LRRC4C: variants seen among roughly 807,000 people sequenced by gnomAD.
LRRC4C encodes leucine-rich repeat-containing protein 4C.
Under a neutral mutation model 33.6 loss-of-function variants are expected in LRRC4C, and 5 were observed. That is an observed-to-expected ratio of 0.15 (90% CI 0.08 to 0.31). The LOEUF is 0.31. Ranked by LOEUF, LRRC4C falls within the 10% of genes least tolerant of loss-of-function variation. The pLI is 1.00. For missense variants in LRRC4C, 560 were observed against 796.7 expected (o/e 0.70, Z 3.58); for synonymous variants, 329 against 302.0 (o/e 1.09, Z -0.93).
chr11:40,766,353 TAAAAAAAAAAAAA>T (rs60152534), intron 2 of LRRC4C, among the ~76,000 whole-genome samples: 4 of 33,900 alleles, frequency 1.2e-4, no homozygotes, highest in Non-Finnish European at 1.6e-4. Flanking sequence ...TTCAGTCTGT[TAAAAAAAAAAAAA>T]AAAAAAAAAA....
rs531499110 is a variant in LRRC4C at position 41,399,026 on chromosome 11, AT to A, written c.-496+60404del. On this transcript the variant is annotated intron_variant, in intron 1 of 6. Transcript: ENST00000528697. Reference sequence around the variant, plus strand: ...TAAGGCTACTTTCCTAGAAAATAAGATTTACAATACACAATATAGACCATTC... The same window carrying A: ...TAAGGCTACTTTCCTAGAAAATAAGATTACAATACACAATATAGACCATTC... 5.8e-3 allele frequency among the ~76,000 whole-genome samples: 889 copies of A among 152,026 alleles called. 7 individuals carry two copies. Among genetic ancestry groups the A allele is most frequent in the African/African-American group, 0.021 (859 of 41,522 alleles).
At chr11:41,399,096 G>T (rs1051494381) in intron 1 of LRRC4C, among the ~76,000 whole-genome samples, 1 of 151,924 alleles carries the variant, frequency 6.6e-6, no homozygotes, top group Non-Finnish European at 1.5e-5. Context: ...AAATTAAACT[G>T]CCATCACTAG....
At chr11:40,640,949 G>C (rs2201511) in intron 3 of LRRC4C, among the ~76,000 whole-genome samples, 55,464 of 148,710 alleles carry the variant, frequency 0.37, 11,466 homozygotes, top group East Asian at 0.6. Flanking sequence ...CTGGGAGGCG[G>C]AGCTTGCAGT....
chr11:40,151,376 T>A (rs533288715), intron 5 of LRRC4C, among the ~76,000 whole-genome samples: 1 of 152,284 alleles, frequency 6.6e-6, no homozygotes, highest in African/African-American at 2.4e-5. Flanking sequence ...GCAATTCTTA[T>A]CCCAGTGGCA....
chr11:40,813,529 G>T (rs976759780), intron 2 of LRRC4C, among the ~76,000 whole-genome samples: 64 of 152,070 alleles, frequency 4.2e-4, no homozygotes, highest in African/African-American at 1.5e-3. Context: ...TGAGATTTGG[G>T]TGGGGACACA....
intron 2 of LRRC4C, among the ~76,000 whole-genome samples, chr11:40,756,959 A>C (rs1388804082): frequency 6.6e-6 from 1 of 151,966 alleles, no homozygotes; most frequent in Non-Finnish European, 1.5e-5. Context: ...CATCCCACAG[A>C]AGCACTTATC....
chr11:40,250,487 C>A (rs1327391774), intron 4 of LRRC4C, among the ~76,000 whole-genome samples: 2 of 151,904 alleles, frequency 1.3e-5, no homozygotes, highest in Non-Finnish European at 2.9e-5. Flanking sequence ...TGCCTGTAAC[C>A]CCAGCACTTT....
At chr11:40,575,686 T>G (rs184184690) in intron 3 of LRRC4C, among the ~76,000 whole-genome samples, 2 of 152,208 alleles carry the variant, frequency 1.3e-5, no homozygotes, top group Non-Finnish European at 2.9e-5. Flanking sequence ...TTCTTCAAGA[T>G]CTAAGATTTA....
At chr11:41,253,135 T>C (rs1948695493) in intron 1 of LRRC4C, among the ~76,000 whole-genome samples, 1 of 152,146 alleles carries the variant, frequency 6.6e-6, no homozygotes, top group Non-Finnish European at 1.5e-5. Flanking sequence ...GTAGACCAAC[T>C]TTGAAGGCAC....
intron 3 of LRRC4C, among the ~76,000 whole-genome samples, chr11:40,530,045 C>T (rs58240465): frequency 0.088 from 13,369 of 152,050 alleles, 1,669 homozygotes; most frequent in African/African-American, 0.28. Flanking sequence ...AGTGTGCTTT[C>T]TGACATGCTG....
chr11:41,155,485 G>A (rs1944187891), intron 1 of LRRC4C, among the ~76,000 whole-genome samples: 1 of 152,128 alleles, frequency 6.6e-6, no homozygotes, highest in Non-Finnish European at 1.5e-5. Flanking sequence ...CTGAATCAAT[G>A]ATACGAAACG....
At chr11:40,820,366 CA>C (rs372522331) in intron 2 of LRRC4C, among the ~76,000 whole-genome samples, 1 of 151,416 alleles carries the variant, frequency 6.6e-6, no homozygotes, top group Admixed American at 6.6e-5. Context: ...CTGAAAAGCT[CA>C]AAAAATGAAA....
intron 3 of LRRC4C, among the ~76,000 whole-genome samples, chr11:40,342,219 A>AC (rs1244222143): frequency 6.6e-6 from 1 of 152,106 alleles, no homozygotes; most frequent in Non-Finnish European, 1.5e-5. Context: ...GCCTGTAATC[A>AC]CAGCACTTTG....
intron 3 of LRRC4C, among the ~76,000 whole-genome samples, chr11:40,497,654 A>G (rs988618432): frequency 1.3e-5 from 2 of 152,208 alleles, no homozygotes; most frequent in South Asian, 2.1e-4. Context: ...AAGAAAGGCC[A>G]TGACAGTGTA....
chr11:41,419,016 G>A (rs1464280364), intron 1 of LRRC4C, among the ~76,000 whole-genome samples: 5 of 151,780 alleles, frequency 3.3e-5, no homozygotes, highest in Non-Finnish European at 5.9e-5. Context: ...ATCATACTTG[G>A]TTCAGAAGAT....
chr11:40,775,573 C>T (rs549625791), intron 2 of LRRC4C, among the ~76,000 whole-genome samples: 4 of 152,182 alleles, frequency 2.6e-5, no homozygotes, highest in African/African-American at 4.8e-5. Flanking sequence ...TTATTTGGCA[C>T]TGTTTGAACA....
At chr11:40,709,260 G>C (rs1286861650) in intron 2 of LRRC4C, among the ~76,000 whole-genome samples, 1 of 152,108 alleles carries the variant, frequency 6.6e-6, no homozygotes, top group Non-Finnish European at 1.5e-5. Context: ...ATGTTAGCTG[G>C]TTATTTTGCC....
chr11:41,080,397 G>T (rs973586139), intron 1 of LRRC4C, among the ~76,000 whole-genome samples: 19 of 146,796 alleles, frequency 1.3e-4, no homozygotes, highest in African/African-American at 4.8e-4. Flanking sequence ...TGTTGCCCAG[G>T]GTGGAGTGCA....
intron 3 of LRRC4C, among the ~76,000 whole-genome samples, chr11:40,607,757 G>T (rs1960776433): frequency 6.6e-6 from 1 of 152,120 alleles, no homozygotes; most frequent in Admixed American, 6.6e-5. Context: ...TGATGAGGCA[G>T]AATGTCTAAT....
Sources: gnomAD v4.1 joint callset for allele counts (sites outside exome capture counted in the v4.1 genomes callset) on GRCh38, gnomAD v4.1.1 for gene constraint, MANE v1.5 for transcripts, NCBI Gene and HGNC (gene_info 2026-07-23, HGNC 2026-07-21) for gene names.